SIK3: variants seen among roughly 807,000 people sequenced by gnomAD.
SIK3 encodes serine/threonine-protein kinase SIK3.
A neutral mutation model predicts 144.2 loss-of-function variants in SIK3; 28 were observed. The ratio of observed to expected loss-of-function variants is 0.19; its 90% confidence interval spans 0.14 to 0.27. SIK3 has a LOEUF of 0.27. Among genes scored for constraint, SIK3 ranks in the 10% least tolerant of loss-of-function variants. The probability of loss-of-function intolerance (pLI) is 1.00; values close to 1 mark genes in which losing one functional copy is unlikely to be tolerated. For missense variants in SIK3, 1,319 were observed against 1,776.0 expected, an observed-to-expected ratio of 0.74 and a Z score of 4.62; for synonymous variants, 686 against 676.3, an observed-to-expected ratio of 1.01 and a Z score of -0.22.
chr11:116,880,701 T>C (rs1484789242), intron 6 of SIK3, among the ~76,000 whole-genome samples: 1 of 152,204 alleles, frequency 6.6e-6, no homozygotes, highest in African/African-American at 2.4e-5. Context: ...GGGGAATAGA[T>C]GCTCTCAAAC....
At chr11:116,988,335 G>A (rs535886078) in intron 1 of SIK3, among the ~76,000 whole-genome samples, 65 of 151,844 alleles carry the variant, frequency 4.3e-4, no homozygotes, top group African/African-American at 1.5e-3. Context: ...GCAGTGAGCC[G>A]AGATGGCGCC....
intron 1 of SIK3, among the ~76,000 whole-genome samples, chr11:117,097,386 T>C (rs1035063197): frequency 1.3e-5 from 2 of 152,012 alleles, no homozygotes; most frequent in African/African-American, 2.4e-5. Context: ...CTCTCCCAAA[T>C]TGTTTAACCC....
rs111534702 is a variant in SIK3 at position 117,000,688 on chromosome 11, T to A, written c.274-43624A>T. The stretch of plus-strand genomic sequence containing the variant: ...TTTCAGGTTCAAGATTTTCTCTAAC[T>A]TGTCCAATTTATTCAGACACTGCCA... On this transcript the variant is annotated intron_variant, in intron 1 of 24. Coordinates refer to ENST00000445177, the MANE Select transcript of SIK3 (RefSeq NM_001366686.3). Among the ~76,000 whole-genome samples the A allele has an allele frequency of 1.8e-3, 268 of 152,350 alleles. 1 individual carries two copies. Among genetic ancestry groups the A allele is most frequent in the Middle Eastern group, 6.8e-3 (2 of 294 alleles).
Position 116,956,952 on chromosome 11 carries a change from T to A in SIK3, c.386A>T (p.Tyr129Phe). 6.3e-7 allele frequency: 1 copy of A among 1,596,408 alleles called. No individual in the cohort carries two copies. Among genetic ancestry groups the A allele is most frequent in the Non-Finnish European group, 8.5e-7 (1 of 1,170,940 alleles). ...MLCHPHIIRL[Y>F]QVMETERMIY... ...GCTATACACTAATGATCCTACCTGG[T>A]AGAGCCTGATGATATGGGGGTGGCA... Residue 129 changes from tyrosine (Y) to phenylalanine (F), a missense_variant, in exon 2 of 25, where the codon TAC becomes TTC. Coordinates refer to ENST00000445177, the MANE Select transcript of SIK3 (RefSeq NM_001366686.3).
chr11:116,996,815 CTCTCAAA>C (rs1373176352), intron 1 of SIK3, among the ~76,000 whole-genome samples: 1 of 73,306 alleles, frequency 1.4e-5, no homozygotes, highest in African/African-American at 6.5e-5. Flanking sequence ...GGGAGACTCT[CTCTCAAA>C]AAAAAAAAAA....
rs187240549 is a variant in SIK3, at chr11:116,859,346, C to T, written c.2684G>A (p.Arg895His). 1.5e-5 allele frequency: 24 copies of T among 1,614,156 alleles called. No homozygotes were observed. The highest frequency in any genetic ancestry group is 1.3e-4 in the African/African-American group (10 of 75,056). The change falls in exon 20 of 25, where the codon CGT becomes CAT. Residue 895 changes from arginine (R) to histidine (H), a missense_variant. Physicochemically the swap from Arg to His is conservative, Grantham distance 29. Transcript: ENST00000445177. ...GCTGAGGGTGGCCATCAGGTTGGTACGGTGCTGCATCTGCATCTGACCAGC... is the reference window on the plus strand; with the variant it reads ...GCTGAGGGTGGCCATCAGGTTGGTATGGTGCTGCATCTGCATCTGACCAGC... The part of the protein sequence containing the change: ...PSAGQMQMQH[R>H]TNLMATLSYG...
intron 4 of SIK3, among the ~76,000 whole-genome samples, chr11:116,925,310 C>A (rs1947216182): frequency 6.6e-6 from 1 of 152,122 alleles, no homozygotes; most frequent in African/African-American, 2.4e-5. Context: ...TCTGAGACAG[C>A]CCAATGTAAT....
intron 3 of SIK3, among the ~76,000 whole-genome samples, chr11:116,942,544 G>A (rs1444731430): frequency 6.6e-6 from 1 of 152,162 alleles, no homozygotes; most frequent in African/African-American, 2.4e-5. Flanking sequence ...AGACTACAGA[G>A]CAATGGGCCA....
At chr11:117,034,366 C>T (rs548710478) in intron 1 of SIK3, among the ~76,000 whole-genome samples, 32 of 152,250 alleles carry the variant, frequency 2.1e-4, no homozygotes, top group African/African-American at 5.3e-4. Flanking sequence ...AATCCTTATA[C>T]TTCAGGCAAG....
At chr11:116,929,866 G>A (rs1395194544) in intron 3 of SIK3, among the ~76,000 whole-genome samples, 4 of 152,148 alleles carry the variant, frequency 2.6e-5, no homozygotes, top group Non-Finnish European at 5.9e-5. Context: ...AGTCCTTCAG[G>A]ATTCTGCAGA....
At chr11:116,985,534 A>C (rs894501343) in intron 1 of SIK3, among the ~76,000 whole-genome samples, 1 of 152,220 alleles carries the variant, frequency 6.6e-6, no homozygotes, top group African/African-American at 2.4e-5. Context: ...GTCAGTGTAG[A>C]GGTACAGTAT....
intron 1 of SIK3, among the ~76,000 whole-genome samples, chr11:117,065,401 A>T (rs913663446): frequency 1.3e-5 from 2 of 152,034 alleles, no homozygotes; most frequent in African/African-American, 4.8e-5. Flanking sequence ...ACATCATGTT[A>T]ATAAAAGAAA....
At chr11:116,893,787 A>G (rs993904960) in intron 6 of SIK3, 1 of 153,408 alleles carries the variant, frequency 6.5e-6, no homozygotes, top group African/African-American at 2.4e-5. Flanking sequence ...CAGTTGATCA[A>G]TAACGAGATC....
intron 1 of SIK3, among the ~76,000 whole-genome samples, chr11:117,033,177 T>C (rs1952339492): frequency 1.3e-5 from 2 of 152,210 alleles, no homozygotes; most frequent in African/African-American, 4.8e-5. Flanking sequence ...ACCGTATATA[T>C]CTGCTCAAAT....
At chr11:116,904,015 A>G (rs147328447) in intron 4 of SIK3, among the ~76,000 whole-genome samples, 1 of 152,336 alleles carries the variant, frequency 6.6e-6, no homozygotes, top group East Asian at 1.9e-4. Context: ...TATTTACTAA[A>G]GCTTCCTATT....
intron 3 of SIK3, among the ~76,000 whole-genome samples, chr11:116,947,176 T>A (rs1948662467): frequency 7.2e-6 from 1 of 139,258 alleles, no homozygotes; most frequent in Non-Finnish European, 1.5e-5. Context: ...AAATTATTAT[T>A]TATATATAAT....
chr11:117,065,175 CAATAATAATAATAAT>C (rs969211734), intron 1 of SIK3, among the ~76,000 whole-genome samples: 1 of 148,310 alleles, frequency 6.7e-6, no homozygotes, highest in African/African-American at 2.5e-5. Flanking sequence ...ATAATAATAA[CAATAATAATAATAAT>C]AATTTCGTCT....
At chr11:116,997,245 G>A (rs1041962102) in intron 1 of SIK3, among the ~76,000 whole-genome samples, 1 of 152,160 alleles carries the variant, frequency 6.6e-6, no homozygotes, top group Admixed American at 6.5e-5. Flanking sequence ...GCACAAGCAG[G>A]TGTGCTGAGC....
chr11:116,882,904 A>T (rs1276535501), intron 6 of SIK3, among the ~76,000 whole-genome samples: 1 of 152,260 alleles, frequency 6.6e-6, no homozygotes, highest in Non-Finnish European at 1.5e-5. Flanking sequence ...CAAAATCTAA[A>T]AAGGAAACAA....
Sources: allele counts gnomAD v4.1 joint callset (sites outside exome capture counted in the v4.1 genomes callset), GRCh38; gene constraint gnomAD v4.1.1; transcripts MANE v1.5; gene names NCBI Gene and HGNC (gene_info 2026-07-23, HGNC 2026-07-21).